ARPP21: variants seen among roughly 807,000 people sequenced by gnomAD.
The protein encoded by ARPP21 is cAMP-regulated phosphoprotein 21.
ARPP21 carries 69 observed loss-of-function variants against 113.2 expected under a neutral mutation model. That is an observed-to-expected ratio of 0.61 (90% CI 0.50 to 0.74). ARPP21 has a LOEUF of 0.74. Ranked by LOEUF, ARPP21 falls within the 30% of genes least tolerant of loss-of-function variation. The pLI is 0.00. For synonymous variants in ARPP21, 368 were observed against 375.5 expected (o/e 0.98, Z 0.23); for missense variants, 1,070 against 1,037.4 (o/e 1.03, Z -0.43).
At chr3:35,734,696 G>A (rs2094224090) in intron 15 of ARPP21, among the ~76,000 whole-genome samples, 1 of 152,160 alleles carries the variant, frequency 6.6e-6, no homozygotes, top group African/African-American at 2.4e-5. Context: ...ATTCGTAAGT[G>A]AGCTGAAGTT....
chr3:35,714,329 T>C (rs1481002641), intron 11 of ARPP21, among the ~76,000 whole-genome samples: 4 of 152,222 alleles, frequency 2.6e-5, no homozygotes, highest in Non-Finnish European at 4.4e-5. Flanking sequence ...ATTATTTCTC[T>C]AACAAAATGA....
At chr3:35,790,344 G>A (rs1257567621) in intron 19 of ARPP21, among the ~76,000 whole-genome samples, 2 of 152,096 alleles carry the variant, frequency 1.3e-5, no homozygotes, top group Non-Finnish European at 2.9e-5. Context: ...ATCATCCCAA[G>A]TTATTTTCTT....
chr3:35,792,378 G>A lies in ARPP21; in HGVS notation c.2138-4G>A, dbSNP rs73828916. ...CCAGTTCAAAAGATCTCTTTTCTTC[G>A]CAGGTTACCAGCCAGTCTTGTCTGG... On this transcript the variant is annotated splice_polypyrimidine_tract_variant and splice_region_variant and intron_variant, in intron 19 of 20. Transcript: ENST00000684406. 0.024 allele frequency: 38,757 copies of A among 1,613,144 alleles called. 1,111 individuals are homozygous for A. The highest frequency in any genetic ancestry group is 0.11 in the South Asian group (9,556 of 90,988).
chr3:35,746,063 T>A (rs2095028073), intron 19 of ARPP21, among the ~76,000 whole-genome samples: 1 of 152,144 alleles, frequency 6.6e-6, no homozygotes, highest in Non-Finnish European at 1.5e-5. Flanking sequence ...AGTGAAATGA[T>A]CATAAACAGT....
intron 19 of ARPP21, among the ~76,000 whole-genome samples, chr3:35,772,455 C>T (rs2096236658): frequency 1.3e-5 from 2 of 152,146 alleles, no homozygotes; most frequent in Admixed American, 6.6e-5. Flanking sequence ...TACTCAGAGC[C>T]TTACTACTCA....
At chr3:35,676,753 G>C (rs1052817697) in intron 1 of ARPP21, among the ~76,000 whole-genome samples, 1 of 151,798 alleles carries the variant, frequency 6.6e-6, no homozygotes, top group African/African-American at 2.4e-5. Flanking sequence ...TGGCGTTGTT[G>C]CTCTTATTTT....
chr3:35,659,705 A>C (rs1706774331), intron 1 of ARPP21, among the ~76,000 whole-genome samples: 1 of 152,176 alleles, frequency 6.6e-6, no homozygotes, highest in African/African-American at 2.4e-5. Context: ...TAAAGGGTTG[A>C]ATCTCATTTT....
At chr3:35,708,902 G>T (rs574347629) in intron 10 of ARPP21, 67 bp from the exon 11 acceptor site, 62 of 1,047,256 alleles carry the variant, frequency 5.9e-5, no homozygotes, top group Non-Finnish European at 8.7e-5. Context: ...TTAGCTGACA[G>T]TTGCTTAACC....
intron 5 of ARPP21, chr3:35,685,798 A>G: frequency 4.7e-6 from 4 of 852,078 alleles, no homozygotes; most frequent in Non-Finnish European, 5.6e-6. Flanking sequence ...ATATAAACTT[A>G]TCCTGTACCA....
At chr3:35,729,560 G>A (rs1394377999) in intron 15 of ARPP21, 24 bp downstream of exon 15, 8 of 1,561,210 alleles carry the variant, frequency 5.1e-6, no homozygotes, top group Non-Finnish European at 7.1e-6. Flanking sequence ...TGCTTTATCA[G>A]GGACACAAGG....
At chr3:35,735,649 G>C (rs1260184158) in intron 15 of ARPP21, among the ~76,000 whole-genome samples, 1 of 152,188 alleles carries the variant, frequency 6.6e-6, no homozygotes, top group African/African-American at 2.4e-5. Flanking sequence ...CTTATGCCAA[G>C]ATAAGGAGGA....
intron 7 of ARPP21, among the ~76,000 whole-genome samples, chr3:35,689,738 C>A (rs1159758210): frequency 6.6e-6 from 1 of 151,520 alleles, no homozygotes; most frequent in Non-Finnish European, 1.5e-5. Context: ...CAATACTTGG[C>A]CTTCGTTTTG....
At chr3:35,693,981 G>A (rs1247453099) in intron 9 of ARPP21, among the ~76,000 whole-genome samples, 4 of 151,404 alleles carry the variant, frequency 2.6e-5, no homozygotes, top group African/African-American at 7.3e-5. Flanking sequence ...TTTACTAAGA[G>A]GTAGAGGGAA....
rs911763968 is a variant in ARPP21 at position 35,736,008 on chromosome 3, C to G, written c.1460-1170C>G. ...TTTTTTCATCGTTACCCAGTTGTTC[C>G]ATGTACTCATTATGTAAAATTGGAT... On this transcript the variant is annotated intron_variant, in intron 15 of 20. Coordinates refer to ENST00000684406, the MANE Select transcript of ARPP21 (RefSeq NM_001385562.1). Among the ~76,000 whole-genome samples, 5 of 152,214 alleles carry G rather than the reference C, an allele frequency of 3.3e-5. No individual in the cohort carries two copies. In the South Asian group the frequency reaches 1.0e-3, roughly 32 times the overall value.
chr3:35,742,668 T>C (rs2094743976), intron 18 of ARPP21, among the ~76,000 whole-genome samples: 1 of 152,242 alleles, frequency 6.6e-6, no homozygotes, highest in African/African-American at 2.4e-5. Context: ...ATATGTTACA[T>C]ATGTTTCAAC....
chr3:35,736,551 A>G (rs956348625), intron 15 of ARPP21, among the ~76,000 whole-genome samples: 2 of 152,210 alleles, frequency 1.3e-5, no homozygotes, highest in Admixed American at 6.5e-5. Context: ...AAAAGAATAT[A>G]TATTAGCTTT....
intron 10 of ARPP21, among the ~76,000 whole-genome samples, chr3:35,708,650 C>T (rs2090064333): frequency 6.6e-6 from 1 of 152,208 alleles, no homozygotes; most frequent in Admixed American, 6.5e-5. Flanking sequence ...CAGACAGAGT[C>T]CATCAGTGAT....
chr3:35,717,060 T>C (rs894673029), intron 12 of ARPP21, among the ~76,000 whole-genome samples: 2 of 152,054 alleles, frequency 1.3e-5, no homozygotes, highest in Admixed American at 6.6e-5. Context: ...TCCTCTTCTA[T>C]TCCCTCTGCT....
At chr3:35,706,482 A>G (rs916967723) in intron 9 of ARPP21, among the ~76,000 whole-genome samples, 1 of 152,172 alleles carries the variant, frequency 6.6e-6, no homozygotes, top group Non-Finnish European at 1.5e-5. Context: ...TTATTGGAGG[A>G]GACAGAAAAT....
Sources: allele counts gnomAD v4.1 joint callset (sites outside exome capture counted in the v4.1 genomes callset), GRCh38; gene constraint gnomAD v4.1.1; transcripts MANE v1.5; gene names NCBI Gene and HGNC (gene_info 2026-07-23, HGNC 2026-07-21).